Variants in TMC1 observed in about 807,000 individuals in gnomAD.
The protein encoded by TMC1 is transmembrane channel like 1.
Under a neutral mutation model 105.8 loss-of-function variants are expected in TMC1, and 84 were observed. That is an observed-to-expected ratio of 0.79 (90% CI 0.67 to 0.95). The LOEUF (loss-of-function observed/expected upper bound fraction) is 0.95. TMC1 is among the 40% of genes least tolerant of loss of function. TMC1 has a pLI of 0.00. For synonymous variants in TMC1, 315 were observed against 311.5 expected (o/e 1.01, Z -0.12); for missense variants, 817 against 914.1 (o/e 0.89, Z 1.37).
intron 4 of TMC1, among the ~76,000 whole-genome samples, chr9:72,637,647 A>T: frequency 6.6e-6 from 1 of 152,226 alleles, no homozygotes; most frequent in East Asian, 1.9e-4. Flanking sequence ...TGGAAGTCCC[A>T]CTGTAGTAAA....
chr9:72,698,536 G>A (rs949866677), intron 7 of TMC1, among the ~76,000 whole-genome samples: 16 of 152,072 alleles, frequency 1.1e-4, no homozygotes, highest in Non-Finnish European at 1.9e-4. Flanking sequence ...ATCTAGTGAG[G>A]GGAGAAACTT....
intron 1 of TMC1, among the ~76,000 whole-genome samples, chr9:72,553,259 C>T (rs985399562): frequency 6.6e-6 from 1 of 152,128 alleles, no homozygotes; most frequent in Non-Finnish European, 1.5e-5. Flanking sequence ...AGGCGTGAGT[C>T]ACCAAGCCTG....
rs147133116 is a variant in TMC1 at position 72,548,182 on chromosome 9, T to C, written c.-428+26269T>C. 1.4e-3 allele frequency among the ~76,000 whole-genome samples: 212 copies of C among 152,284 alleles called. 1 individual carries two copies. Among genetic ancestry groups the C allele is most frequent in the African/African-American group, 4.9e-3 (203 of 41,560 alleles). On this transcript the variant is annotated intron_variant, in intron 1 of 23. Coordinates refer to ENST00000297784, the MANE Select transcript of TMC1 (RefSeq NM_138691.3). ...TATGTGTTGGGAACTGATTGATAAA[T>C]TGGAATTCTTCAAATTAACTTACAT...
chr9:72,700,020 G>A (rs897094678), intron 7 of TMC1, among the ~76,000 whole-genome samples: 8 of 148,206 alleles, frequency 5.4e-5, no homozygotes, highest in African/African-American at 1.2e-4. Flanking sequence ...TTGGGAGGCC[G>A]AGGTGGGCAG....
chr9:72,704,092 G>A (rs1826691838), intron 8 of TMC1, among the ~76,000 whole-genome samples: 1 of 152,110 alleles, frequency 6.6e-6, no homozygotes. Flanking sequence ...CCAATGCTTG[G>A]GAGTGAGGCA....
chr9:72,759,641 GC>G (rs1433646132), intron 12 of TMC1, among the ~76,000 whole-genome samples: 1 of 152,176 alleles, frequency 6.6e-6, no homozygotes, highest in Non-Finnish European at 1.5e-5. Context: ...CCTAGGACAA[GC>G]TGCCTCTACA....
chr9:72,592,734 C>T (rs1371950892), intron 2 of TMC1, among the ~76,000 whole-genome samples: 1 of 152,178 alleles, frequency 6.6e-6, no homozygotes, highest in East Asian at 1.9e-4. Flanking sequence ...ATCAGATGCT[C>T]AATGTCTTAC....
intron 1 of TMC1, among the ~76,000 whole-genome samples, chr9:72,545,922 C>T (rs1270869391): frequency 2.6e-5 from 4 of 150,994 alleles, no homozygotes; most frequent in African/African-American, 7.3e-5. Context: ...CAAATGTCAT[C>T]GCTCAAAAAA....
intron 13 of TMC1, among the ~76,000 whole-genome samples, chr9:72,774,353 A>G (rs186156821): frequency 6.6e-6 from 1 of 152,302 alleles, no homozygotes; most frequent in African/African-American, 2.4e-5. Flanking sequence ...ATATATCAAA[A>G]GTATTATCAT....
chr9:72,650,887 T>C (rs1047858696), intron 5 of TMC1, among the ~76,000 whole-genome samples: 1 of 140,378 alleles, frequency 7.1e-6, no homozygotes, highest in Non-Finnish European at 1.5e-5. Context: ...TATATAGATA[T>C]ATAGATATAT....
At chr9:72,654,652 G>T (rs933639101) in intron 5 of TMC1, among the ~76,000 whole-genome samples, 13 of 151,728 alleles carry the variant, frequency 8.6e-5, no homozygotes, top group African/African-American at 2.9e-4. Context: ...TTGTTTTCAT[G>T]CATTTTATTC....
intron 1 of TMC1, among the ~76,000 whole-genome samples, chr9:72,550,422 C>T (rs1157239106): frequency 1.3e-5 from 2 of 151,738 alleles, no homozygotes; most frequent in African/African-American, 2.4e-5. Context: ...GAGCCCATAT[C>T]GTGCCACTGC....
chr9:72,776,150 A>G (rs927382444), intron 13 of TMC1, among the ~76,000 whole-genome samples: 6 of 152,088 alleles, frequency 3.9e-5, no homozygotes, highest in Non-Finnish European at 7.4e-5. Flanking sequence ...CATAGAATGG[A>G]CTAACAAATA....
At chr9:72,796,206 T>G (rs1188257131) in intron 17 of TMC1, among the ~76,000 whole-genome samples, 1 of 152,098 alleles carries the variant, frequency 6.6e-6, no homozygotes, top group East Asian at 1.9e-4. Context: ...AGCAAGTTCT[T>G]AGAGACCTAC....
At chr9:72,777,966 T>C (rs1431024083) in intron 13 of TMC1, among the ~76,000 whole-genome samples, 1 of 152,202 alleles carries the variant, frequency 6.6e-6, no homozygotes, top group Non-Finnish European at 1.5e-5. Flanking sequence ...TTGATTACTA[T>C]TTGTGGAACA....
intron 5 of TMC1, among the ~76,000 whole-genome samples, chr9:72,666,594 G>A (rs1015258615): frequency 6.6e-6 from 1 of 152,156 alleles, no homozygotes; most frequent in African/African-American, 2.4e-5. Flanking sequence ...TATTATTGCT[G>A]GGGTCACTCA....
At chr9:72,713,002 G>A (rs955630242) in intron 8 of TMC1, among the ~76,000 whole-genome samples, 10 of 152,012 alleles carry the variant, frequency 6.6e-5, no homozygotes, top group Non-Finnish European at 1.5e-5. Context: ...GAATTTTGTT[G>A]AAGGCCTTTT....
chr9:72,597,981 G>GA (rs1320474186), intron 2 of TMC1, among the ~76,000 whole-genome samples: 8 of 152,060 alleles, frequency 5.3e-5, no homozygotes, highest in Non-Finnish European at 1.2e-4. Flanking sequence ...ATGAAAAAAA[G>GA]AAAAAACCCT....
At chr9:72,786,484 G>T (rs902293516) in intron 13 of TMC1, among the ~76,000 whole-genome samples, 6 of 151,946 alleles carry the variant, frequency 3.9e-5, no homozygotes, top group Admixed American at 1.3e-4. Context: ...CAAACAAAAA[G>T]AAACACCTTA....
Sources: gnomAD v4.1 joint callset for allele counts (sites outside exome capture counted in the v4.1 genomes callset) on GRCh38, gnomAD v4.1.1 for gene constraint, MANE v1.5 for transcripts, NCBI Gene and HGNC (gene_info 2026-07-23, HGNC 2026-07-21) for gene names.